ADAMTS16: variants seen among roughly 807,000 people sequenced by gnomAD.
The protein encoded by ADAMTS16 is A disintegrin and metalloproteinase with thrombospondin motifs 16.
In ADAMTS16, 94 loss-of-function variants were observed where a neutral mutation model predicts 145.8. The observed-to-expected ratio is 0.64, with a 90% confidence interval of 0.55 to 0.77. The LOEUF (loss-of-function observed/expected upper bound fraction) is 0.77. Ranked by LOEUF, ADAMTS16 falls within the 30% of genes least tolerant of loss-of-function variation. ADAMTS16 has a pLI of 0.00. For synonymous variants in ADAMTS16, 659 were observed against 604.3 expected (o/e 1.09, Z -1.33); for missense variants, 1,585 against 1,591.5 (o/e 1.00, Z 0.07).
intron 16 of ADAMTS16, among the ~76,000 whole-genome samples, chr5:5,240,820 A>G (rs1440706010): frequency 3.9e-5 from 6 of 152,102 alleles, no homozygotes; most frequent in Non-Finnish European, 7.4e-5. Context: ...CCCTTTATAA[A>G]CAAATTTATC....
At chr5:5,270,157 C>A (rs1343608428) in intron 18 of ADAMTS16, among the ~76,000 whole-genome samples, 1 of 152,162 alleles carries the variant, frequency 6.6e-6, no homozygotes, top group Non-Finnish European at 1.5e-5. Context: ...CCAAGTGGAT[C>A]TCCCCGTCCA....
At chr5:5,187,577 A>G (rs941897307) in intron 5 of ADAMTS16, 148 bp from the exon 6 acceptor site, 1 of 649,710 alleles carries the variant, frequency 1.5e-6, no homozygotes, top group Non-Finnish European at 2.7e-6. Flanking sequence ...TTACCGTGAT[A>G]TGATTAATAC....
intron 17 of ADAMTS16, among the ~76,000 whole-genome samples, chr5:5,254,645 T>G (rs919558879): frequency 6.6e-6 from 1 of 152,172 alleles, no homozygotes; most frequent in Non-Finnish European, 1.5e-5. Context: ...TTTATTACAT[T>G]TATGGAGTTT....
At chr5:5,279,926 TTTTC>T (rs768515687) in intron 18 of ADAMTS16, among the ~76,000 whole-genome samples, 147 of 150,042 alleles carry the variant, frequency 9.8e-4, no homozygotes, top group Admixed American at 1.7e-3. Flanking sequence ...TTATTTCTCT[TTTTC>T]TTTCTTTCTT....
At position 5,173,661 on chromosome 5, in the gene ADAMTS16, G is replaced by A. The variant is rs1046775617; in HGVS notation, c.502-8383G>A. Among the ~76,000 whole-genome samples the A allele has an allele frequency of 2.6e-5, 4 of 151,928 alleles. No individual in the cohort carries two copies. The South Asian group carries it at 6.2e-4, about 24-fold the overall frequency. On this transcript the variant is annotated intron_variant, in intron 3 of 22. Transcript: ENST00000274181. ...GCTAATTTTTTGTATTTTTAGTAGAGATGGGGTTTCACCATGTTAGCCAGG... is the reference window on the plus strand; with the variant it reads ...GCTAATTTTTTGTATTTTTAGTAGAAATGGGGTTTCACCATGTTAGCCAGG...
intron 13 of ADAMTS16, 103 bp from the exon 14 acceptor site, chr5:5,236,866 A>G: frequency 7.0e-7 from 1 of 1,420,682 alleles, no homozygotes; most frequent in South Asian, 1.5e-5. Context: ...TGTGGGAGTT[A>G]TTTTATGGGG....
intron 3 of ADAMTS16, among the ~76,000 whole-genome samples, chr5:5,147,516 T>A (rs1470940695): frequency 3.9e-5 from 6 of 152,176 alleles, no homozygotes; most frequent in Non-Finnish European, 5.9e-5. Context: ...TGTAAAAAAA[T>A]TTTTTTAGAT....
chr5:5,270,420 C>G (rs576276059), intron 18 of ADAMTS16, among the ~76,000 whole-genome samples: 2 of 152,180 alleles, frequency 1.3e-5, no homozygotes, highest in African/African-American at 4.8e-5. Context: ...TTCCCCACTT[C>G]GGGCATGATC....
intron 9 of ADAMTS16, among the ~76,000 whole-genome samples, chr5:5,207,997 G>A (rs1736175354): frequency 6.6e-6 from 1 of 152,112 alleles, no homozygotes; most frequent in African/African-American, 2.4e-5. Flanking sequence ...CTTGTACTAT[G>A]TTTGTCTGGT....
At chr5:5,171,110 T>C (rs1304958355) in intron 3 of ADAMTS16, among the ~76,000 whole-genome samples, 1 of 152,240 alleles carries the variant, frequency 6.6e-6, no homozygotes, top group East Asian at 1.9e-4. Context: ...GATTTTCGTA[T>C]GCTGATTTTA....
intron 16 of ADAMTS16, among the ~76,000 whole-genome samples, chr5:5,241,556 A>G (rs1052753265): frequency 2.0e-5 from 3 of 152,198 alleles, no homozygotes; most frequent in Non-Finnish European, 4.4e-5. Flanking sequence ...TTCACCAGGA[A>G]GCATGACGAT....
intron 18 of ADAMTS16, among the ~76,000 whole-genome samples, chr5:5,274,644 T>C (rs1579367864): frequency 6.6e-6 from 1 of 152,044 alleles, no homozygotes; most frequent in African/African-American, 2.4e-5. Flanking sequence ...ATTTTTAGTA[T>C]TTTATATGTG....
intron 6 of ADAMTS16, among the ~76,000 whole-genome samples, chr5:5,188,586 C>A (rs1355329052): frequency 6.6e-6 from 1 of 152,218 alleles, no homozygotes; most frequent in South Asian, 2.1e-4. Flanking sequence ...AGCCCAGCCT[C>A]AGCTCCACCC....
intron 18 of ADAMTS16, among the ~76,000 whole-genome samples, chr5:5,264,720 C>A (rs1416638549): frequency 2.6e-5 from 4 of 152,194 alleles, no homozygotes; most frequent in Non-Finnish European, 5.9e-5. Flanking sequence ...CCTTATAAAG[C>A]CACCAGCCCT....
intron 3 of ADAMTS16, among the ~76,000 whole-genome samples, chr5:5,180,864 G>A (rs1735320036): frequency 6.6e-6 from 1 of 152,130 alleles, no homozygotes; most frequent in Non-Finnish European, 1.5e-5. Context: ...ATGCCTTACA[G>A]AATGTAACTA....
At chr5:5,180,851 C>T (rs776694057) in intron 3 of ADAMTS16, among the ~76,000 whole-genome samples, 6 of 152,164 alleles carry the variant, frequency 3.9e-5, no homozygotes, top group Admixed American at 6.5e-5. Flanking sequence ...AAAGGGGGCA[C>T]TGATGCCTTA....
intron 2 of ADAMTS16, among the ~76,000 whole-genome samples, chr5:5,141,616 G>T (rs1161264423): frequency 6.6e-6 from 1 of 152,106 alleles, no homozygotes; most frequent in African/African-American, 2.4e-5. Context: ...AATATTAATT[G>T]ACTTTTATAG....
intron 17 of ADAMTS16, among the ~76,000 whole-genome samples, chr5:5,258,160 T>C (rs1015259661): frequency 2.0e-5 from 3 of 152,170 alleles, no homozygotes; most frequent in Non-Finnish European, 4.4e-5. Context: ...AATGATTGAT[T>C]GAATCATCCG....
rs1261021968 is a variant in ADAMTS16 at position 5,305,455 on chromosome 5, CCACA to C, written c.3187-1038_3187-1035del. ...CCCACACCACACACACACATCCACA[CCACA>C]CACACACACATCCCACACCACACAC... On this transcript the variant is annotated intron_variant, in intron 20 of 22. Coordinates refer to ENST00000274181, the MANE Select transcript of ADAMTS16 (RefSeq NM_139056.4). Among the ~76,000 whole-genome samples, 12 of 87,632 alleles carry C rather than the reference CCACA, an allele frequency of 1.4e-4. 3 individuals are homozygous for C. Among genetic ancestry groups the C allele is most frequent in the African/African-American group, 3.2e-4 (7 of 21,882 alleles). The allele number at this position is 87,632 out of a possible 152,430, so 57.5% of individuals were successfully genotyped here.
Sources: gnomAD v4.1 joint callset for allele counts (sites outside exome capture counted in the v4.1 genomes callset) on GRCh38, gnomAD v4.1.1 for gene constraint, MANE v1.5 for transcripts, NCBI Gene and HGNC (gene_info 2026-07-23, HGNC 2026-07-21) for gene names.